NEDD4L: variants seen among roughly 807,000 people sequenced by gnomAD.
The protein encoded by NEDD4L is E3 ubiquitin-protein ligase NEDD4-like.
Under a neutral mutation model 148.9 loss-of-function variants are expected in NEDD4L, and 54 were observed. That is an observed-to-expected ratio of 0.36 (90% CI 0.29 to 0.45). The LOEUF (loss-of-function observed/expected upper bound fraction) is 0.45. Among genes scored for constraint, NEDD4L ranks in the 20% least tolerant of loss-of-function variants. NEDD4L has a pLI of 1.00. For missense variants in NEDD4L, 856 were observed against 1,233.8 expected (o/e 0.69, Z 4.59); for synonymous variants, 433 against 440.7 (o/e 0.98, Z 0.22).
At chr18:58,195,588 C>A in intron 2 of NEDD4L, 1 of 1,341,256 alleles carries the variant, frequency 7.5e-7, no homozygotes, top group Non-Finnish European at 9.8e-7. Flanking sequence ...CCACTCCAGG[C>A]TGTTGGTTAC....
chr18:58,138,375 C>G (rs1452733418), intron 1 of NEDD4L, among the ~76,000 whole-genome samples: 4 of 148,946 alleles, frequency 2.7e-5, no homozygotes, highest in African/African-American at 1.0e-4. Flanking sequence ...CCCTCCCCTC[C>G]TCCTCTTTCC....
intron 19 of NEDD4L, chr18:58,360,036 G>C (rs1441191161): frequency 6.6e-6 from 1 of 152,134 alleles, no homozygotes; most frequent in Non-Finnish European, 1.5e-5. Flanking sequence ...ATGTCTTCTG[G>C]CCTCCATAAA....
chr18:58,149,479 C>G (rs554247340), intron 1 of NEDD4L: 50 of 1,550,282 alleles, frequency 3.2e-5, no homozygotes, highest in Non-Finnish European at 4.3e-5. Flanking sequence ...TTGCTCTGCC[C>G]TTGAGTTTTC....
intron 1 of NEDD4L, among the ~76,000 whole-genome samples, chr18:58,078,622 C>T (rs78690419): frequency 0.043 from 6,555 of 152,232 alleles, 468 homozygotes; most frequent in African/African-American, 0.15. Flanking sequence ...TAGTAATGCT[C>T]TGACTACTTA....
intron 16 of NEDD4L, among the ~76,000 whole-genome samples, chr18:58,343,660 G>A (rs1295145900): frequency 6.6e-6 from 1 of 152,108 alleles, no homozygotes; most frequent in African/African-American, 2.4e-5. Flanking sequence ...TGATCATTTT[G>A]TCAAAATTGA....
chr18:58,379,582 C>T (rs548818141), intron 24 of NEDD4L, among the ~76,000 whole-genome samples: 7 of 152,262 alleles, frequency 4.6e-5, no homozygotes, highest in Admixed American at 2.0e-4. Flanking sequence ...GTCAGATAGC[C>T]GCCTCTCCAA....
chr18:58,064,003 T>C (rs1423454554), intron 1 of NEDD4L, among the ~76,000 whole-genome samples: 3 of 129,750 alleles, frequency 2.3e-5, no homozygotes, highest in South Asian at 2.6e-4. Flanking sequence ...CTTGTTCTGT[T>C]GCCCAGGCTG....
intron 1 of NEDD4L, among the ~76,000 whole-genome samples, chr18:58,099,729 T>C (rs1226406360): frequency 6.6e-6 from 1 of 152,206 alleles, no homozygotes; most frequent in Non-Finnish European, 1.5e-5. Flanking sequence ...ACCTGGGCAT[T>C]TGAGGTAGAC....
intron 2 of NEDD4L, among the ~76,000 whole-genome samples, chr18:58,234,122 C>CT (rs200704630): frequency 0.54 from 57,941 of 108,248 alleles, 15,495 homozygotes; most frequent in African/African-American, 0.59. Context: ...TTTTCTTTTC[C>CT]TTCTTTTTTT....
Position 58,364,301 on chromosome 18 carries a change from T to C in NEDD4L, c.1801T>C (p.Tyr601His). 1 of 1,562,046 alleles carries C rather than the reference T, an allele frequency of 6.4e-7. No homozygotes were observed. The highest frequency in any genetic ancestry group is 8.7e-7 in the Non-Finnish European group (1 of 1,151,118). ...TTACTCCAGAGAATTTAAGCAGAAA[T>C]ATGACTACTTCAGGAAGAAATTAAA... ...VPYSREFKQK[Y>H]DYFRKKLKKP... is the part of the protein sequence containing the mutation. Residue 601 changes from tyrosine (Y) to histidine (H), a missense_variant, in exon 20 of 31, where the codon TAT becomes CAT. Physicochemically the swap from Tyr to His is moderately conservative, Grantham distance 83 (BLOSUM62 2). This residue lies in a region of NEDD4L where 286 missense variants were observed against 531.8 expected (regional missense o/e 0.54). Coordinates refer to ENST00000400345, the MANE Select transcript of NEDD4L (RefSeq NM_001144967.3).
At chr18:58,241,569 T>G (rs977459471) in intron 2 of NEDD4L, among the ~76,000 whole-genome samples, 5 of 150,312 alleles carry the variant, frequency 3.3e-5, no homozygotes, top group African/African-American at 1.3e-4. Context: ...TCCTAGTGAT[T>G]CTGACTAGCA....
intron 9 of NEDD4L, among the ~76,000 whole-genome samples, chr18:58,325,890 A>T (rs2059268278): frequency 6.6e-6 from 1 of 152,220 alleles, no homozygotes; most frequent in Non-Finnish European, 1.5e-5. Context: ...TTGATAATAC[A>T]TCGAAGGGCA....
Position 58,090,796 on chromosome 18 carries a change from AT to A in NEDD4L, c.48+46091del, listed in dbSNP as rs573369692. ...CCTGGCCACACCTGTGATTTATTTT[AT>A]TTCATTTGAGATTTCAGACTTTGTC... On this transcript the variant is annotated intron_variant, in intron 1 of 30. Transcript: ENST00000400345. The A allele has an allele frequency of 3.9e-3, 597 of 152,228 alleles. 5 individuals are homozygous for A. Among genetic ancestry groups the A allele is most frequent in the African/African-American group, 0.014 (561 of 41,532 alleles). 9.4% of individuals were successfully genotyped at this position (152,228 alleles called of 1,614,324 possible).
chr18:58,379,814 G>A (rs1330502728), intron 24 of NEDD4L, among the ~76,000 whole-genome samples: 2 of 152,054 alleles, frequency 1.3e-5, no homozygotes, highest in South Asian at 2.1e-4. Flanking sequence ...AATCCTAGAG[G>A]GATGCATTTC....
intron 24 of NEDD4L, among the ~76,000 whole-genome samples, chr18:58,382,095 A>G (rs2048418713): frequency 6.6e-6 from 1 of 152,252 alleles, no homozygotes; most frequent in African/African-American, 2.4e-5. Context: ...ATAAAGAGAA[A>G]AAGAGAATGT....
At chr18:58,099,261 C>T (rs2084613975) in intron 1 of NEDD4L, among the ~76,000 whole-genome samples, 1 of 152,016 alleles carries the variant, frequency 6.6e-6, no homozygotes, top group African/African-American at 2.4e-5. Context: ...TCACTGCAAC[C>T]CTGAAGTCCT....
chr18:58,307,479 C>T (rs973240691), intron 5 of NEDD4L, among the ~76,000 whole-genome samples: 6 of 152,182 alleles, frequency 3.9e-5, no homozygotes, highest in African/African-American at 1.4e-4. Flanking sequence ...ATGCCAATGC[C>T]TACATTGAGG....
At chr18:58,252,457 T>C (rs1247996517) in intron 5 of NEDD4L, among the ~76,000 whole-genome samples, 7 of 152,180 alleles carry the variant, frequency 4.6e-5, no homozygotes, top group African/African-American at 1.7e-4. Flanking sequence ...AGCAAATCTA[T>C]GGTAATTCTC....
chr18:58,082,096 ATATATATTT>A (rs1168881623), intron 1 of NEDD4L, among the ~76,000 whole-genome samples: 17 of 75,524 alleles, frequency 2.3e-4, no homozygotes, highest in African/African-American at 1.4e-3. Context: ...ATATATATAT[ATATATATTT>A]TTTTTTTTTT....
Sources: gnomAD v4.1 joint callset for allele counts (sites outside exome capture counted in the v4.1 genomes callset) on GRCh38, gnomAD v4.1.1 for gene constraint, gnomAD v4.1.1 regional missense constraint, MANE v1.5 for transcripts, NCBI Gene and HGNC (gene_info 2026-07-23, HGNC 2026-07-21) for gene names.